QKI: variants seen among roughly 807,000 people sequenced by gnomAD.
The protein encoded by QKI is KH domain-containing RNA-binding protein QKI.
In QKI, 10 loss-of-function variants were observed where a neutral mutation model predicts 39.0. That is an observed-to-expected ratio of 0.26 (90% CI 0.16 to 0.43). The LOEUF is 0.43. QKI is among the 20% of genes least tolerant of loss of function. The probability of loss-of-function intolerance (pLI) is 1.00; values close to 1 mark genes in which losing one functional copy is unlikely to be tolerated. For missense variants in QKI, 218 were observed against 428.0 expected (o/e 0.51, Z 4.33); for synonymous variants, 204 against 155.4 (o/e 1.31, Z -2.33).
chr6:163,464,758 C>G (rs1284277219), intron 2 of QKI, among the ~76,000 whole-genome samples: 2 of 152,152 alleles, frequency 1.3e-5, no homozygotes, highest in Non-Finnish European at 1.5e-5. Flanking sequence ...CTCTGAACAT[C>G]TAAAGACGAA....
At chr6:163,467,918 G>T (rs2128222443) in intron 2 of QKI, among the ~76,000 whole-genome samples, 1 of 152,178 alleles carries the variant, frequency 6.6e-6, no homozygotes, top group Middle Eastern at 3.4e-3. Flanking sequence ...ATTTAAAACT[G>T]CACTTTCAAC....
intron 2 of QKI, among the ~76,000 whole-genome samples, chr6:163,466,166 C>A (rs1358423239): frequency 6.7e-6 from 1 of 149,502 alleles, no homozygotes; most frequent in Non-Finnish European, 1.5e-5. Context: ...ACAATAGCAT[C>A]GGAAAGAATA....
At chr6:163,481,579 C>T (rs1182308000) in intron 3 of QKI, among the ~76,000 whole-genome samples, 1 of 152,162 alleles carries the variant, frequency 6.6e-6, no homozygotes, top group East Asian at 1.9e-4. Flanking sequence ...ATTGTAAATG[C>T]TATGTACTTC....
intron 1 of QKI, among the ~76,000 whole-genome samples, chr6:163,435,320 G>C (rs1043423331): frequency 6.6e-6 from 1 of 152,174 alleles, no homozygotes; most frequent in African/African-American, 2.4e-5. Context: ...TTTCCTTATA[G>C]TTCTTGTGCA....
At position 163,484,289 on chromosome 6, in the gene QKI, G is replaced by A. The variant is rs142178393; in HGVS notation, c.402+5393G>A. On this transcript the variant is annotated intron_variant, in intron 3 of 7. Transcript: ENST00000361752. ...GCAATCTCAGGTCACTGCAACCTCC[G>A]CCTTCTGGGTTCGAGCAGTCATGCC... Among the ~76,000 whole-genome samples the A allele has an allele frequency of 6.9e-3, 1,035 of 150,522 alleles. 14 individuals are homozygous for A. The highest frequency in any genetic ancestry group is 0.024 in the African/African-American group (985 of 40,846).
chr6:163,552,614 TA>T, intron 4 of QKI, among the ~76,000 whole-genome samples: 1 of 152,226 alleles, frequency 6.6e-6, no homozygotes, highest in East Asian at 1.9e-4. Flanking sequence ...AATGTCTGTA[TA>T]AAAGTGGACC....
chr6:163,455,612 A>C (rs531612021), intron 2 of QKI, among the ~76,000 whole-genome samples, 191 bp downstream of exon 2: 3 of 152,326 alleles, frequency 2.0e-5, no homozygotes, highest in East Asian at 3.9e-4. Context: ...GATTGCTGCT[A>C]TGTCACTTTG....
intron 4 of QKI, among the ~76,000 whole-genome samples, chr6:163,541,059 TC>T (rs1781472897): frequency 6.6e-6 from 1 of 152,048 alleles, no homozygotes; most frequent in Admixed American, 6.6e-5. Flanking sequence ...TAAAGGTAGA[TC>T]AGTGATTTGA....
At chr6:163,437,808 C>T (rs1412480770) in intron 1 of QKI, among the ~76,000 whole-genome samples, 1 of 152,120 alleles carries the variant, frequency 6.6e-6, no homozygotes, top group Non-Finnish European at 1.5e-5. Context: ...AAAATGCCCT[C>T]CCCTCCCATC....
chr6:163,458,912 TAGTC>T (rs778826660), intron 2 of QKI, among the ~76,000 whole-genome samples: 6 of 152,228 alleles, frequency 3.9e-5, no homozygotes, highest in South Asian at 2.1e-4. Flanking sequence ...ATAGGTTTCT[TAGTC>T]AGGCCTAGGT....
At chr6:163,516,645 C>T (rs1583144606) in intron 3 of QKI, among the ~76,000 whole-genome samples, 1 of 152,200 alleles carries the variant, frequency 6.6e-6, no homozygotes, top group East Asian at 1.9e-4. Context: ...TTCAATATAC[C>T]TTTAATACCT....
intron 2 of QKI, among the ~76,000 whole-genome samples, chr6:163,475,540 C>A (rs1792523881): frequency 6.6e-6 from 1 of 152,046 alleles, no homozygotes; most frequent in African/African-American, 2.4e-5. Context: ...GACCTGTAAC[C>A]AATCCCCCCC....
intron 3 of QKI, among the ~76,000 whole-genome samples, chr6:163,518,932 A>G (rs1032730089): frequency 2.6e-5 from 4 of 152,074 alleles, no homozygotes; most frequent in African/African-American, 9.7e-5. Flanking sequence ...GCCATTTCCA[A>G]CTCTTCCAAA....
chr6:163,569,946 T>C, intron 7 of QKI: 1 of 986,872 alleles, frequency 1.0e-6, no homozygotes, highest in Non-Finnish European at 1.2e-6. Context: ...TTTATAAGTG[T>C]TCTATATGTG....
intron 2 of QKI, among the ~76,000 whole-genome samples, chr6:163,459,589 C>T (rs1791195295): frequency 6.6e-6 from 1 of 152,172 alleles, no homozygotes; most frequent in Non-Finnish European, 1.5e-5. Context: ...TTGAGATGAT[C>T]ACATTGGCTT....
At chr6:163,424,444 A>T (rs1788250914) in intron 1 of QKI, among the ~76,000 whole-genome samples, 1 of 152,138 alleles carries the variant, frequency 6.6e-6, no homozygotes, top group Admixed American at 6.6e-5. Context: ...TAGACCTGGG[A>T]TCTAATCATG....
chr6:163,420,943 T>C (rs1298792635), intron 1 of QKI, among the ~76,000 whole-genome samples: 2 of 152,220 alleles, frequency 1.3e-5, no homozygotes, highest in South Asian at 4.1e-4. Flanking sequence ...TTAAAATTAC[T>C]TTCTTGAAGG....
intron 3 of QKI, among the ~76,000 whole-genome samples, chr6:163,529,753 C>T (rs946166453): frequency 8.5e-5 from 13 of 152,160 alleles, no homozygotes; most frequent in African/African-American, 2.9e-4. Context: ...CAGCCAGTCT[C>T]TGTCAAAGCA....
chr6:163,436,610 T>TC (rs1789292227), intron 1 of QKI, among the ~76,000 whole-genome samples: 1 of 151,698 alleles, frequency 6.6e-6, no homozygotes, highest in African/African-American at 2.4e-5. Context: ...GGCCAGGAGT[T>TC]CAAGACCAGC....
Sources: gnomAD v4.1 joint callset for allele counts (sites outside exome capture counted in the v4.1 genomes callset) on GRCh38, gnomAD v4.1.1 for gene constraint, MANE v1.5 for transcripts, NCBI Gene and HGNC (gene_info 2026-07-23, HGNC 2026-07-21) for gene names.